The following USP13 variants were observed in gnomAD, a reference collection of about 807,000 sequenced individuals.
The protein encoded by USP13 is ubiquitin specific peptidase 13.
USP13 carries 68 observed loss-of-function variants against 107.8 expected under a neutral mutation model. That is an observed-to-expected ratio of 0.63 (90% CI 0.52 to 0.77). The LOEUF (loss-of-function observed/expected upper bound fraction) is 0.77. USP13 is among the 30% of genes least tolerant of loss of function. USP13 has a pLI of 0.00. For missense variants in USP13, 945 were observed against 1,093.3 expected (o/e 0.86, Z 1.91); for synonymous variants, 377 against 389.5 (o/e 0.97, Z 0.38).
In USP13 at chr3:179,785,637, C is replaced by A. The variant is rs1004658523; in HGVS notation, c.*1496C>A. On this transcript the variant is annotated 3_prime_UTR_variant, in exon 21 of 21. Transcript: ENST00000263966. ...AGAAACTGTAGGAAAATAAACAGAA[C>A]CAACCAGGTGAAACAAAGCACAGAC... The A allele has an allele frequency of 3.3e-5, 5 of 152,180 alleles. No homozygotes were observed. Among genetic ancestry groups the A allele is most frequent in the Admixed American group, 3.3e-4 (5 of 15,270 alleles). 9.4% of individuals were successfully genotyped at this position (152,180 alleles called of 1,614,324 possible).
intron 16 of USP13, among the ~76,000 whole-genome samples, chr3:179,760,697 T>C (rs1000241992): frequency 3.9e-5 from 6 of 152,226 alleles, no homozygotes; most frequent in Non-Finnish European, 8.8e-5. Context: ...GATGTATCTA[T>C]AGGCCTGCAG....
chr3:179,759,769 G>A (rs1379041905), intron 16 of USP13, among the ~76,000 whole-genome samples: 2 of 152,134 alleles, frequency 1.3e-5, no homozygotes, highest in African/African-American at 2.4e-5. Flanking sequence ...TGCCTCCCGG[G>A]TTCAAGCGAT....
chr3:179,675,174 CAA>C (rs749528708), intron 1 of USP13, among the ~76,000 whole-genome samples: 4 of 128,730 alleles, frequency 3.1e-5, no homozygotes. Context: ...CACTCCATCT[CAA>C]AAAAAAAAAA....
chr3:179,669,458 CA>C (rs939969247), intron 1 of USP13, among the ~76,000 whole-genome samples: 45 of 143,396 alleles, frequency 3.1e-4, no homozygotes, highest in East Asian at 1.6e-3. Context: ...GACTCCGTCT[CA>C]AAAAAAAAAA....
chr3:179,754,680 T>C, intron 14 of USP13, 52 bp from the exon 15 acceptor site: 1 of 1,586,548 alleles, frequency 6.3e-7, no homozygotes, highest in Non-Finnish European at 8.6e-7. Context: ...GCTGGTATTA[T>C]AATAAGGTGA....
At chr3:179,735,149 A>G (rs961889325) in intron 10 of USP13, among the ~76,000 whole-genome samples, 5 of 152,158 alleles carry the variant, frequency 3.3e-5, no homozygotes, top group Non-Finnish European at 5.9e-5. Flanking sequence ...TCTGTGTTAT[A>G]AAGTTAGTGG....
intron 6 of USP13, among the ~76,000 whole-genome samples, chr3:179,710,951 C>T (rs984757503): frequency 2.6e-5 from 4 of 152,146 alleles, no homozygotes; most frequent in Non-Finnish European, 2.9e-5. Flanking sequence ...GAATGGAACA[C>T]GCAGGGCTGG....
At position 179,721,405 on chromosome 3, in the gene USP13, G is replaced by A. The variant is rs1258855899; in HGVS notation, c.904G>A (p.Glu302Lys). ...TTCTTCGATGACTTTGTCTCAGACA[G>A]AGAATGGGCTCCAGGACAATGACAT... ...GIDMLHMHGTENGLQDNDIKL... is the reference protein window; with the variant it reads ...GIDMLHMHGTKNGLQDNDIKL... The change falls in exon 8 of 21, where the codon GAG (glutamate) becomes AAG (lysine). Residue 302 changes from glutamate to lysine, a missense_variant. Physicochemically the swap from Glu to Lys is moderately conservative, Grantham distance 56. Coordinates refer to ENST00000263966, the MANE Select transcript of USP13 (RefSeq NM_003940.3). The surrounding 1 kb of genome is among the most constrained non-coding windows in gnomAD (Gnocchi z 4.3). 3.7e-6 allele frequency: 6 copies of A among 1,613,256 alleles called. No homozygotes were observed. The African/African-American group carries it at 6.7e-5, about 18-fold the overall frequency.
intron 11 of USP13, among the ~76,000 whole-genome samples, chr3:179,741,876 C>T (rs910344442): frequency 1.3e-4 from 20 of 152,216 alleles, no homozygotes; most frequent in Admixed American, 1.3e-3. Flanking sequence ...CAGGGCAGCC[C>T]TTTATTTTTT....
chr3:179,706,976 T>C lies in USP13; in HGVS notation c.520T>C (p.Tyr174His), dbSNP rs1478634437. Residue 174 changes from tyrosine (Y) to histidine (H), a missense_variant, in exon 5 of 21, where the codon TAC (tyrosine) becomes CAC (histidine). Physicochemically the swap from Tyr to His is moderately conservative, Grantham distance 83. Coordinates refer to ENST00000263966, the MANE Select transcript of USP13 (RefSeq NM_003940.3). ...CDAVLSSKSP[Y>H]RKQDPDTWEN... ...TGCAGTTCTCAGCTCAAAATCTCCA[T>C]ACAGAAAGCAGGACCCAGACACGTG... The C allele has an allele frequency of 5.0e-6, 8 of 1,613,968 alleles. No homozygotes were observed. The highest frequency in any genetic ancestry group is 6.8e-6 in the Non-Finnish European group (8 of 1,180,026).
At chr3:179,767,427 G>GTTTTTT (rs1491164607) in intron 19 of USP13, among the ~76,000 whole-genome samples, 1 of 147,426 alleles carries the variant, frequency 6.8e-6, no homozygotes. Context: ...AGTTTTTTTT[G>GTTTTTT]GTTTTTTTTT....
chr3:179,743,890 T>C lies in USP13; in HGVS notation c.1535-1153T>C, dbSNP rs76247498. ...TAAGATGTGTTTAGGAAAACACATA[T>C]GTGCGTAAGTGTACCTACAAACTGA... On this transcript the variant is annotated intron_variant, in intron 12 of 20. Transcript: ENST00000263966. Among the ~76,000 whole-genome samples the C allele has an allele frequency of 4.0e-5, 6 of 151,760 alleles. No homozygotes were observed. In the East Asian group the frequency reaches 9.7e-4, roughly 24 times the overall value.
chr3:179,779,253 G>T (rs767690909), intron 19 of USP13, among the ~76,000 whole-genome samples: 1 of 151,780 alleles, frequency 6.6e-6, no homozygotes, highest in Non-Finnish European at 1.5e-5. Flanking sequence ...AGACTAATGG[G>T]CCTGGCGCGG....
chr3:179,706,837 A>T, intron 4 of USP13, 97 bp from the exon 5 acceptor site: 1 of 1,381,500 alleles, frequency 7.2e-7, no homozygotes, highest in East Asian at 2.5e-5. Context: ...GCGTTTCTTC[A>T]GTTTTTAAAT....
intron 1 of USP13, among the ~76,000 whole-genome samples, chr3:179,670,317 A>AG (rs1215317041): frequency 1.3e-5 from 2 of 152,292 alleles, no homozygotes; most frequent in South Asian, 4.1e-4. Context: ...AAATGTCATT[A>AG]GGGCACCACC....
intron 19 of USP13, among the ~76,000 whole-genome samples, chr3:179,769,988 C>T (rs9828199): frequency 2.0e-5 from 3 of 152,294 alleles, no homozygotes; most frequent in Non-Finnish European, 4.4e-5. Context: ...ACAAACACAG[C>T]AGGGGGCCAC....
chr3:179,769,394 C>A (rs1194760997), intron 19 of USP13, among the ~76,000 whole-genome samples: 1 of 152,016 alleles, frequency 6.6e-6, no homozygotes, highest in Non-Finnish European at 1.5e-5. Flanking sequence ...CAGAAGATGA[C>A]CACTATGATT....
intron 2 of USP13, among the ~76,000 whole-genome samples, chr3:179,683,621 A>G (rs931086906): frequency 6.6e-6 from 1 of 152,194 alleles, no homozygotes; most frequent in Non-Finnish European, 1.5e-5. Context: ...CTCGTTCACT[A>G]TCATGAGAAC....
At chr3:179,687,036 C>T (rs73172278) in intron 2 of USP13, among the ~76,000 whole-genome samples, 29,782 of 152,092 alleles carry the variant, frequency 0.2, 3,012 homozygotes, top group East Asian at 0.24. Context: ...CAGGGTTATC[C>T]ATATTTTTGT....
Sources: allele counts gnomAD v4.1 joint callset (sites outside exome capture counted in the v4.1 genomes callset), GRCh38; gene constraint gnomAD v4.1.1; non-coding constraint Gnocchi (gnomAD v3.1); transcripts MANE v1.5; gene names NCBI Gene and HGNC (gene_info 2026-07-23, HGNC 2026-07-21).